Variants in ANK2 observed in about 807,000 individuals in gnomAD.
The protein encoded by ANK2 is ankyrin 2.
ANK2 carries 83 observed loss-of-function variants against 360.5 expected under a neutral mutation model. The observed-to-expected ratio is 0.23, with a 90% CI of 0.19 to 0.28. The LOEUF (loss-of-function observed/expected upper bound fraction) is 0.28, where lower values mean the gene tolerates loss of function less well. ANK2 is among the 10% of genes least tolerant of loss of function. The pLI is 1.00. For synonymous variants in ANK2, 1,740 were observed against 1,759.5 expected, an observed-to-expected ratio of 0.99 and a Z score of 0.28; for missense variants, 4,201 against 4,795.7, an observed-to-expected ratio of 0.88 and a Z score of 3.66.
chr4:113,173,682 A>G (rs2098081864), intron 1 of ANK2, among the ~76,000 whole-genome samples: 1 of 152,176 alleles, frequency 6.6e-6, no homozygotes, highest in African/African-American at 2.4e-5. Context: ...TCTGATTTTG[A>G]GAGGAGTGTG....
At chr4:112,788,612 G>A in the ANK2 span, 1 of 1,596,408 alleles carries the variant, frequency 6.3e-7, no homozygotes, top group Non-Finnish European at 8.5e-7. Flanking sequence ...TAGCTGTTTG[G>A]CGGTCCAGGG....
chr4:112,790,780 C>T, the ANK2 span, among the ~76,000 whole-genome samples: 1 of 152,148 alleles, frequency 6.6e-6, no homozygotes, highest in East Asian at 1.9e-4. Flanking sequence ...AGCCATCACA[C>T]CCTGCCCAAC....
chr4:112,966,218 A>C (rs1464709999), intron 2 of ANK2, among the ~76,000 whole-genome samples: 1 of 151,668 alleles, frequency 6.6e-6, no homozygotes, highest in Non-Finnish European at 1.5e-5. Flanking sequence ...TTACATTATA[A>C]ATGTTTGATT....
intron 1 of ANK2, among the ~76,000 whole-genome samples, chr4:113,119,755 A>G (rs2095216909): frequency 6.6e-6 from 1 of 152,124 alleles, no homozygotes; most frequent in Non-Finnish European, 1.5e-5. Context: ...AAAGCCAATT[A>G]TGGGGCTTGA....
chr4:112,812,687 C>T, the ANK2 span, among the ~76,000 whole-genome samples: 92,096 of 152,024 alleles, frequency 0.61, 29,286 homozygotes, highest in East Asian at 0.93. Flanking sequence ...ATAAATGTTT[C>T]AAGCTAAGTT....
intron 22 of ANK2, among the ~76,000 whole-genome samples, chr4:113,297,869 A>T (rs1245630026): frequency 1.3e-5 from 2 of 151,958 alleles, no homozygotes; most frequent in Non-Finnish European, 2.9e-5. Flanking sequence ...ACTGCAGCTC[A>T]GGTGATCCTC....
At chr4:112,898,473 GT>G (rs2082355326) in intron 1 of ANK2, among the ~76,000 whole-genome samples, 1 of 152,132 alleles carries the variant, frequency 6.6e-6, no homozygotes, top group Admixed American at 6.6e-5. Context: ...TGGATTACAT[GT>G]TTTGATCACA....
chr4:113,239,263 T>C (rs2099406723), intron 7 of ANK2, among the ~76,000 whole-genome samples: 2 of 152,146 alleles, frequency 1.3e-5, no homozygotes, highest in South Asian at 4.1e-4. Context: ...TAAGAAATTA[T>C]TTGTATCTAA....
chr4:113,088,995 A>C (rs1452626417), intron 1 of ANK2, among the ~76,000 whole-genome samples: 1 of 152,204 alleles, frequency 6.6e-6, no homozygotes. Flanking sequence ...TTTAAAACCG[A>C]CAATTTAAAT....
intron 1 of ANK2, among the ~76,000 whole-genome samples, chr4:112,888,372 G>A (rs907461044): frequency 2.0e-5 from 3 of 152,056 alleles, no homozygotes; most frequent in African/African-American, 2.4e-5. Context: ...GTCAGAACAC[G>A]CTCATATTTT....
intron 2 of ANK2, among the ~76,000 whole-genome samples, chr4:113,195,696 G>A (rs2098737269): frequency 6.6e-6 from 1 of 152,170 alleles, no homozygotes; most frequent in Non-Finnish European, 1.5e-5. Flanking sequence ...TACTGTGTCA[G>A]TTGAAGACTT....
At chr4:112,921,052 CTTTTT>C (rs1197480851) in intron 2 of ANK2, among the ~76,000 whole-genome samples, 3 of 135,130 alleles carry the variant, frequency 2.2e-5, no homozygotes, top group Non-Finnish European at 3.2e-5. Flanking sequence ...TTCTTTTTCT[CTTTTT>C]TTTTTTTTTT....
chr4:113,074,626 C>G (rs1039903290), intron 1 of ANK2, among the ~76,000 whole-genome samples: 1 of 151,988 alleles, frequency 6.6e-6, no homozygotes, highest in Non-Finnish European at 1.5e-5. Flanking sequence ...GAAAAAAACT[C>G]CATGAAGGAA....
At chr4:112,977,688 C>T (rs1185989080) in intron 2 of ANK2, among the ~76,000 whole-genome samples, 2 of 151,902 alleles carry the variant, frequency 1.3e-5, no homozygotes, top group African/African-American at 4.8e-5. Context: ...AGGTTTTAAG[C>T]CCCACATGCA....
chr4:113,372,544 G>T, intron 43 of ANK2: 1 of 1,535,268 alleles, frequency 6.5e-7, no homozygotes, highest in Non-Finnish European at 8.7e-7. Context: ...AGCTAACAGA[G>T]GAATTAGGGG....
chr4:112,891,729 G>A (rs2080090721), intron 1 of ANK2, among the ~76,000 whole-genome samples: 2 of 152,218 alleles, frequency 1.3e-5, no homozygotes, highest in South Asian at 4.1e-4. Flanking sequence ...GGTTATACAT[G>A]CATAGCATTA....
intron 1 of ANK2, among the ~76,000 whole-genome samples, chr4:113,159,059 T>C (rs1361829506): frequency 2.6e-5 from 4 of 152,120 alleles, no homozygotes. Flanking sequence ...TATTGGCTGA[T>C]ATATTTTAGG....
intron 14 of ANK2, among the ~76,000 whole-genome samples, chr4:113,273,673 TG>T (rs1208738007): frequency 2.6e-5 from 4 of 152,354 alleles, no homozygotes; most frequent in African/African-American, 9.6e-5. Context: ...TACAAGAGAA[TG>T]GTTTGGCCTG....
intron 1 of ANK2, among the ~76,000 whole-genome samples, chr4:112,900,507 T>C (rs182536777): frequency 3.8e-4 from 58 of 152,280 alleles, no homozygotes; most frequent in African/African-American, 1.3e-3. Context: ...AATGTATTTC[T>C]TGATAGACAC....
Sources: allele counts gnomAD v4.1 joint callset (sites outside exome capture counted in the v4.1 genomes callset), GRCh38; gene constraint gnomAD v4.1.1; transcripts MANE v1.5; gene names NCBI Gene and HGNC (gene_info 2026-07-23, HGNC 2026-07-21).